PTPRM: variants seen among roughly 807,000 people sequenced by gnomAD.
PTPRM encodes receptor-type tyrosine-protein phosphatase mu.
PTPRM carries 47 observed loss-of-function variants against 186.7 expected under a neutral mutation model. That is an observed-to-expected ratio of 0.25 (90% CI 0.20 to 0.32). The LOEUF is 0.32. Among genes scored for constraint, PTPRM ranks in the 10% least tolerant of loss-of-function variants. The pLI is 1.00. For missense variants in PTPRM, 1,494 were observed against 1,865.0 expected (o/e 0.80, Z 3.66); for synonymous variants, 668 against 674.9 (o/e 0.99, Z 0.16).
rs550562231 is a variant in PTPRM, at chr18:7,672,668, T to C, written c.74-101481T>C. On this transcript the variant is annotated intron_variant, in intron 1 of 32. Coordinates refer to ENST00000580170, the MANE Select transcript of PTPRM (RefSeq NM_001105244.2). ...TATAGTTTTCTCAAGGAGTCAGGCC[T>C]GTAGAAATTAAATGGCTTCACTAAA... is the stretch of plus-strand genomic sequence containing the variant. Among the ~76,000 whole-genome samples the C allele has an allele frequency of 6.6e-5, 10 of 152,300 alleles. No homozygotes were observed. In the South Asian group the frequency reaches 1.9e-3, roughly 28 times the overall value.
chr18:7,643,598 G>A (rs368072624), intron 1 of PTPRM, among the ~76,000 whole-genome samples: 3 of 152,004 alleles, frequency 2.0e-5, no homozygotes, highest in African/African-American at 4.8e-5. Context: ...CTTTGGCCTC[G>A]CAAAGTGCTG....
At position 7,567,687 on chromosome 18, in the gene PTPRM, T is replaced by A. The variant is rs948681024; in HGVS notation, c.-132T>A. The A allele has an allele frequency of 1.7e-5, 13 of 786,030 alleles. No individual in the cohort carries two copies. Among genetic ancestry groups the A allele is most frequent in the Non-Finnish European group, 2.4e-5 (13 of 539,958 alleles). The allele number at this position is 786,030 out of a possible 1,614,324, so 48.7% of individuals were successfully genotyped here. On this transcript the variant is annotated 5_prime_UTR_variant, in exon 1 of 33. Transcript: ENST00000580170. This position sits in a 1 kb window ranked among gnomAD's most constrained non-coding sequence, Gnocchi z 4.3. ...CGGACTTCTGCAACTGTTGGCACTT[T>A]GGGGGCTTGGCTTAGCGCTCTGCTG... is the stretch of plus-strand genomic sequence containing the variant.
chr18:8,098,271 A>G (rs2091109720), intron 11 of PTPRM, among the ~76,000 whole-genome samples: 3 of 152,240 alleles, frequency 2.0e-5, no homozygotes, highest in Non-Finnish European at 4.4e-5. Flanking sequence ...TATGTAAAAC[A>G]TATAAAAATA....
intron 14 of PTPRM, among the ~76,000 whole-genome samples, chr18:8,184,051 G>A (rs376541126): frequency 2.9e-4 from 44 of 152,248 alleles, no homozygotes; most frequent in Middle Eastern, 3.4e-3. Context: ...GAATTTCCCT[G>A]TACTGCATCC....
chr18:7,826,305 A>C (rs910310503), intron 2 of PTPRM, among the ~76,000 whole-genome samples: 2 of 152,226 alleles, frequency 1.3e-5, no homozygotes, highest in Non-Finnish European at 2.9e-5. Context: ...CATTCACAAA[A>C]TGGTAAGCCT....
intron 1 of PTPRM, among the ~76,000 whole-genome samples, chr18:7,573,683 G>A (rs1474195519): frequency 6.6e-6 from 1 of 152,032 alleles, no homozygotes; most frequent in East Asian, 1.9e-4. Flanking sequence ...TCTGCCTCCC[G>A]GGTTCAAGCG....
intron 2 of PTPRM, among the ~76,000 whole-genome samples, chr18:7,785,563 G>A (rs1000371832): frequency 2.0e-5 from 3 of 152,198 alleles, no homozygotes; most frequent in African/African-American, 7.2e-5. Context: ...AAAATTTGCA[G>A]TATAAATGTG....
At chr18:7,787,050 G>C (rs1273996106) in intron 2 of PTPRM, among the ~76,000 whole-genome samples, 1 of 152,192 alleles carries the variant, frequency 6.6e-6, no homozygotes, top group African/African-American at 2.4e-5. Flanking sequence ...ACAAATAATT[G>C]GTTTTATACA....
At chr18:8,341,394 G>A (rs594691) in intron 22 of PTPRM, among the ~76,000 whole-genome samples, 73,360 of 152,088 alleles carry the variant, frequency 0.48, 20,610 homozygotes, top group Middle Eastern at 0.7. Context: ...AGCAAACGAA[G>A]AAGGCTGAGT....
intron 14 of PTPRM, among the ~76,000 whole-genome samples, chr18:8,144,172 T>C (rs1372899519): frequency 3.3e-5 from 5 of 152,186 alleles, no homozygotes. Flanking sequence ...AGGATGATGA[T>C]GATGACAGAT....
chr18:8,295,371 A>C (rs1601680499), intron 19 of PTPRM, among the ~76,000 whole-genome samples: 2 of 151,966 alleles, frequency 1.3e-5, no homozygotes, highest in Admixed American at 6.6e-5. Context: ...GGTGAGATGG[A>C]GACCGGGGAG....
intron 9 of PTPRM, among the ~76,000 whole-genome samples, chr18:8,082,557 T>C (rs2145215126): frequency 6.6e-6 from 1 of 150,902 alleles, no homozygotes; most frequent in African/African-American, 2.4e-5. Flanking sequence ...CTCTGCTTTT[T>C]TTTCATTTGG....
intron 23 of PTPRM, among the ~76,000 whole-genome samples, chr18:8,369,146 A>C (rs2095649415): frequency 6.6e-6 from 1 of 152,248 alleles, no homozygotes; most frequent in South Asian, 2.1e-4. Context: ...TTTGGGGAAC[A>C]GGGCAAACAC....
chr18:7,660,757 T>C (rs890998027), intron 1 of PTPRM, among the ~76,000 whole-genome samples: 57 of 152,078 alleles, frequency 3.7e-4, no homozygotes, highest in African/African-American at 1.4e-3. Flanking sequence ...AGACGTGGAA[T>C]TTCTGTTTTG....
chr18:8,378,050 G>A (rs2095707813), intron 26 of PTPRM: 2 of 500,638 alleles, frequency 4.0e-6, no homozygotes, highest in East Asian at 3.2e-5. Context: ...GTGCTGCAGT[G>A]CGTGTGGTGG....
At chr18:8,035,792 T>C (rs990901437) in intron 7 of PTPRM, among the ~76,000 whole-genome samples, 2 of 152,206 alleles carry the variant, frequency 1.3e-5, no homozygotes, top group African/African-American at 4.8e-5. Context: ...AGCACATGGA[T>C]ATATGCAAAT....
chr18:8,302,366 T>C (rs1394033829), intron 20 of PTPRM, among the ~76,000 whole-genome samples: 1 of 151,988 alleles, frequency 6.6e-6, no homozygotes, highest in Non-Finnish European at 1.5e-5. Context: ...GCTGGGTGGC[T>C]GGAGCTGGAA....
chr18:7,576,667 G>A (rs2036696028), intron 1 of PTPRM, among the ~76,000 whole-genome samples: 2 of 152,064 alleles, frequency 1.3e-5, no homozygotes, highest in Non-Finnish European at 2.9e-5. Context: ...TGATAGAGAT[G>A]GGGTTTTGGT....
intron 3 of PTPRM, among the ~76,000 whole-genome samples, chr18:7,893,321 G>A (rs1220673355): frequency 2.0e-5 from 3 of 152,168 alleles, no homozygotes; most frequent in African/African-American, 7.2e-5. Flanking sequence ...GGTACCTACA[G>A]AAAGCTCCAA....
Sources: allele counts gnomAD v4.1 joint callset (sites outside exome capture counted in the v4.1 genomes callset), GRCh38; gene constraint gnomAD v4.1.1; non-coding constraint Gnocchi (gnomAD v3.1); transcripts MANE v1.5; gene names NCBI Gene and HGNC (gene_info 2026-07-23, HGNC 2026-07-21).